The following EHBP1 variants were observed in gnomAD, a reference collection of about 807,000 sequenced individuals.
EHBP1 encodes EH domain-binding protein 1.
A neutral mutation model predicts 144.0 loss-of-function variants in EHBP1; 55 were observed. The ratio of observed to expected loss-of-function variants is 0.38; its 90% confidence interval spans 0.31 to 0.48. The LOEUF (loss-of-function observed/expected upper bound fraction) is 0.48, where lower values mean the gene tolerates loss of function less well. Among genes scored for constraint, EHBP1 ranks in the 20% least tolerant of loss-of-function variants. The pLI is 0.98. For missense variants in EHBP1, 1,200 were observed against 1,364.2 expected (o/e 0.88, Z 1.90); for synonymous variants, 469 against 472.7 (o/e 0.99, Z 0.10).
intron 1 of EHBP1, among the ~76,000 whole-genome samples, chr2:62,681,492 G>T (rs1372441493): frequency 2.0e-5 from 3 of 151,000 alleles, no homozygotes; most frequent in African/African-American, 7.3e-5. Context: ...TGCTAAAGAG[G>T]CTTGCAATAG....
intron 19 of EHBP1, among the ~76,000 whole-genome samples, chr2:63,006,141 CTAAGATGG>C (rs2060027718): frequency 6.6e-6 from 1 of 151,978 alleles, no homozygotes; most frequent in Non-Finnish European, 1.5e-5. Flanking sequence ...ACTAGGGAGG[CTAAGATGG>C]TATCTTACAT....
intron 10 of EHBP1, among the ~76,000 whole-genome samples, chr2:62,938,756 A>G (rs1054804092): frequency 1.3e-5 from 2 of 152,088 alleles, no homozygotes; most frequent in Non-Finnish European, 2.9e-5. Flanking sequence ...TTTTCCACAT[A>G]GAATATCTAG....
chr2:62,983,680 A>G (rs2059068011), intron 15 of EHBP1, among the ~76,000 whole-genome samples: 1 of 152,110 alleles, frequency 6.6e-6, no homozygotes, highest in Non-Finnish European at 1.5e-5. Context: ...AGCTGGAATT[A>G]CAGGCACCCG....
At chr2:62,833,510 T>G (rs2046975325) in intron 7 of EHBP1, among the ~76,000 whole-genome samples, 3 of 152,224 alleles carry the variant, frequency 2.0e-5, no homozygotes, top group Admixed American at 2.0e-4. Context: ...AACTCTCTTG[T>G]TAGCACATCT....
chr2:62,848,912 A>T (rs1399718649), intron 7 of EHBP1, among the ~76,000 whole-genome samples: 1 of 152,166 alleles, frequency 6.6e-6, no homozygotes, highest in East Asian at 1.9e-4. Flanking sequence ...GTGTAAGTAA[A>T]ATACTGGAAA....
At position 62,955,697 on chromosome 2, in the gene EHBP1, C is replaced by G. The variant is rs1280590972; in HGVS notation, c.2460+37C>G. Reference sequence around the variant, plus strand: ...TGGTTAAAAAAGACCATAAGTTGTTCATTGTAATCATGGGGAGGAGGGAAG... The same window carrying G: ...TGGTTAAAAAAGACCATAAGTTGTTGATTGTAATCATGGGGAGGAGGGAAG... On this transcript the variant is annotated intron_variant, in intron 14 of 22. Coordinates refer to ENST00000431489, the MANE Select transcript of EHBP1 (RefSeq NM_001142616.3). 3.8e-6 allele frequency: 6 copies of G among 1,572,454 alleles called. No individual in the cohort carries two copies. The African/African-American group carries it at 8.2e-5, about 21-fold the overall frequency.
chr2:62,957,661 T>TTTTTTC (rs2057774710), intron 14 of EHBP1, among the ~76,000 whole-genome samples: 2 of 143,704 alleles, frequency 1.4e-5, no homozygotes, highest in Non-Finnish European at 3.0e-5. Flanking sequence ...TTTTTTTTTT[T>TTTTTTC]TTGAGATGGA....
At chr2:62,825,256 A>G (rs1267928747) in intron 5 of EHBP1, among the ~76,000 whole-genome samples, 1 of 152,088 alleles carries the variant, frequency 6.6e-6, no homozygotes, top group African/African-American at 2.4e-5. Flanking sequence ...TACAAAGTTA[A>G]TGCACAACCA....
intron 10 of EHBP1, among the ~76,000 whole-genome samples, chr2:62,918,203 G>T (rs1004220203): frequency 6.6e-6 from 1 of 151,434 alleles, no homozygotes; most frequent in African/African-American, 2.4e-5. Context: ...GGCCTATTGT[G>T]TTTTTTTTCA....
intron 21 of EHBP1, among the ~76,000 whole-genome samples, chr2:63,040,243 C>T (rs1302338080): frequency 6.6e-6 from 1 of 151,564 alleles, no homozygotes; most frequent in African/African-American, 2.4e-5. Flanking sequence ...TTGTACACTA[C>T]ACTCAACACA....
chr2:62,742,550 A>G (rs1447501470), intron 2 of EHBP1, among the ~76,000 whole-genome samples: 1 of 152,028 alleles, frequency 6.6e-6, no homozygotes, highest in East Asian at 1.9e-4. Context: ...AGCATTTGTC[A>G]TATTATTGTT....
intron 10 of EHBP1, among the ~76,000 whole-genome samples, chr2:62,902,134 C>T (rs1374165162): frequency 6.6e-6 from 1 of 152,138 alleles, no homozygotes; most frequent in East Asian, 1.9e-4. Flanking sequence ...ACACGTTCTA[C>T]AAGAGCATTT....
At chr2:62,799,743 A>G (rs1186104609) in intron 5 of EHBP1, among the ~76,000 whole-genome samples, 1 of 152,242 alleles carries the variant, frequency 6.6e-6, no homozygotes, top group Non-Finnish European at 1.5e-5. Flanking sequence ...AACTCTTTAA[A>G]AAACAACCTA....
At chr2:62,843,733 G>T (rs150222308) in intron 7 of EHBP1, among the ~76,000 whole-genome samples, 3 of 152,092 alleles carry the variant, frequency 2.0e-5, no homozygotes. Flanking sequence ...AAGTGTTTGA[G>T]TGAAGTAGTT....
At chr2:62,713,196 A>T (rs1558533805) in intron 2 of EHBP1, among the ~76,000 whole-genome samples, 1 of 151,934 alleles carries the variant, frequency 6.6e-6, no homozygotes. Context: ...TGGCTCTTGA[A>T]GTTGCCAAGA....
At chr2:63,015,825 A>G (rs2060464408) in intron 19 of EHBP1, among the ~76,000 whole-genome samples, 1 of 152,198 alleles carries the variant, frequency 6.6e-6, no homozygotes, top group Non-Finnish European at 1.5e-5. Flanking sequence ...ATTGTTTTCT[A>G]ATATGATATA....
At chr2:62,748,698 T>A (rs181873692) in intron 3 of EHBP1, among the ~76,000 whole-genome samples, 42 of 152,230 alleles carry the variant, frequency 2.8e-4, no homozygotes, top group Non-Finnish European at 5.4e-4. Flanking sequence ...TGACTATATT[T>A]TTTATTAGTA....
At chr2:62,825,624 GAGGT>G (rs1288847505) in intron 5 of EHBP1, among the ~76,000 whole-genome samples, 1 of 150,912 alleles carries the variant, frequency 6.6e-6, no homozygotes, top group Non-Finnish European at 1.5e-5. Flanking sequence ...AAAAAAAAAA[GAGGT>G]AGAATGCCAC....
intron 7 of EHBP1, among the ~76,000 whole-genome samples, chr2:62,856,447 G>A (rs2049062709): frequency 6.6e-6 from 1 of 152,214 alleles, no homozygotes; most frequent in Non-Finnish European, 1.5e-5. Context: ...GCCACACATG[G>A]AGCTTCCCAC....
Sources: allele counts gnomAD v4.1 joint callset (sites outside exome capture counted in the v4.1 genomes callset), GRCh38; gene constraint gnomAD v4.1.1; transcripts MANE v1.5; gene names NCBI Gene and HGNC (gene_info 2026-07-23, HGNC 2026-07-21).